NAALADL2: variants seen among roughly 807,000 people sequenced by gnomAD.
NAALADL2 encodes inactive N-acetylated-alpha-linked acidic dipeptidase-like protein 2.
In NAALADL2, 76 loss-of-function variants were observed where a neutral mutation model predicts 87.2. The observed-to-expected ratio is 0.87, with a 90% CI of 0.72 to 1.05. The LOEUF (loss-of-function observed/expected upper bound fraction) is 1.05. Among genes scored for constraint, NAALADL2 ranks in the 50% least tolerant of loss-of-function variants. The pLI is 0.00. For missense variants in NAALADL2, 1,089 were observed against 945.8 expected (o/e 1.15, Z -1.99); for synonymous variants, 354 against 331.0 (o/e 1.07, Z -0.75).
intron 1 of NAALADL2, among the ~76,000 whole-genome samples, chr3:174,887,626 C>T (rs1730332381): frequency 6.6e-6 from 1 of 152,104 alleles, no homozygotes; most frequent in South Asian, 2.1e-4. Flanking sequence ...AAGATCTCAT[C>T]TCTACAAAAA....
At chr3:174,522,797 G>A (rs1720394328) in intron 1 of NAALADL2, among the ~76,000 whole-genome samples, 1 of 151,680 alleles carries the variant, frequency 6.6e-6, no homozygotes, top group Non-Finnish European at 1.5e-5. Flanking sequence ...AGCCGGGTGC[G>A]GTGGCGGGCG....
intron 5 of NAALADL2, among the ~76,000 whole-genome samples, chr3:175,394,507 C>T (rs923668829): frequency 7.2e-5 from 11 of 152,132 alleles, no homozygotes; most frequent in African/African-American, 2.7e-4. Context: ...TTAAAAAACA[C>T]TACCGATATT....
chr3:175,071,402 TATTAA>T, intron 1 of NAALADL2, among the ~76,000 whole-genome samples: 1 of 152,224 alleles, frequency 6.6e-6, no homozygotes. Flanking sequence ...CATTTGCTTC[TATTAA>T]ATTATAAGTT....
At position 175,561,760 on chromosome 3, in the gene NAALADL2, A is replaced by C. The variant is rs535123017; in HGVS notation, c.1654-14281A>C. 1.3e-5 allele frequency among the ~76,000 whole-genome samples: 2 copies of C among 152,324 alleles called. 1 individual carries two copies. Among genetic ancestry groups the C allele is most frequent in the East Asian group, 3.9e-4 (2 of 5,190 alleles). On this transcript the variant is annotated intron_variant, in intron 9 of 13. Coordinates refer to ENST00000454872, the MANE Select transcript of NAALADL2 (RefSeq NM_207015.3). Reference sequence around the variant, plus strand: ...TCCTCCCCTCATAGACCTTATCTAAATACAGTCATTTTGGGAATTAAGGCT... The same window carrying C: ...TCCTCCCCTCATAGACCTTATCTAACTACAGTCATTTTGGGAATTAAGGCT...
chr3:175,751,524 A>G lies in NAALADL2; in HGVS notation c.1991-3696A>G, dbSNP rs532849422. Among the ~76,000 whole-genome samples the G allele has an allele frequency of 2.6e-5, 4 of 152,220 alleles. No homozygotes were observed. The South Asian group carries it at 8.3e-4, about 32-fold the overall frequency. On this transcript the variant is annotated intron_variant, in intron 12 of 13. Transcript: ENST00000454872. ...TACAAACTTGCGTAAATAGTGATTT[A>G]TGCACTTAGAAACTTACATGATTAT...
chr3:175,449,999 T>C (rs889336834), intron 6 of NAALADL2, among the ~76,000 whole-genome samples: 1 of 152,198 alleles, frequency 6.6e-6, no homozygotes, highest in African/African-American at 2.4e-5. Flanking sequence ...ATACAGAATA[T>C]ACATTTAAAT....
intron 2 of NAALADL2, among the ~76,000 whole-genome samples, chr3:175,169,943 T>A (rs1405328164): frequency 2.0e-5 from 3 of 151,396 alleles, no homozygotes; most frequent in South Asian, 2.1e-4. Context: ...TTGATATGAG[T>A]GAGTTCTACA....
intron 9 of NAALADL2, among the ~76,000 whole-genome samples, chr3:175,487,815 G>T (rs16825813): frequency 6.6e-6 from 1 of 152,156 alleles, no homozygotes; most frequent in Non-Finnish European, 1.5e-5. Context: ...GTCTAATCCA[G>T]ATATGGTAAG....
At chr3:174,497,421 G>T (rs1022965742) in intron 1 of NAALADL2, among the ~76,000 whole-genome samples, 1 of 151,906 alleles carries the variant, frequency 6.6e-6, no homozygotes, top group Non-Finnish European at 1.5e-5. Context: ...TTGAACCCAG[G>T]AGTTTAAAAC....
At chr3:175,780,230 C>T (rs1243018863) in intron 13 of NAALADL2, among the ~76,000 whole-genome samples, 2 of 151,266 alleles carry the variant, frequency 1.3e-5, no homozygotes, top group Non-Finnish European at 2.9e-5. Flanking sequence ...GAGCCGAGAT[C>T]GCGCCACTGC....
chr3:174,833,067 A>G (rs971985180), intron 3 of NAALADL2, among the ~76,000 whole-genome samples: 3 of 152,172 alleles, frequency 2.0e-5, no homozygotes, highest in Admixed American at 1.3e-4. Flanking sequence ...ATTCTCAGAA[A>G]TAGTATTAAC....
At chr3:175,551,059 G>A (rs1714263466) in intron 9 of NAALADL2, among the ~76,000 whole-genome samples, 2 of 151,782 alleles carry the variant, frequency 1.3e-5, no homozygotes, top group Non-Finnish European at 2.9e-5. Flanking sequence ...TGTATAGTGT[G>A]AGAGAGACGA....
intron 10 of NAALADL2, among the ~76,000 whole-genome samples, chr3:175,624,399 C>T (rs1183931286): frequency 6.6e-6 from 1 of 152,000 alleles, no homozygotes; most frequent in African/African-American, 2.4e-5. Context: ...TATTTTACTG[C>T]ATGGAATATT....
chr3:175,075,993 C>T (rs377510189), intron 1 of NAALADL2, among the ~76,000 whole-genome samples: 25 of 151,980 alleles, frequency 1.6e-4, no homozygotes, highest in East Asian at 3.9e-4. Flanking sequence ...TTTAGGAGGC[C>T]GAGGTAGGGG....
chr3:175,374,578 A>G (rs1230323201), intron 5 of NAALADL2, among the ~76,000 whole-genome samples: 4 of 140,018 alleles, frequency 2.9e-5, no homozygotes, highest in African/African-American at 1.2e-4. Context: ...AAAAAAAAAA[A>G]AAAAAAAGAA....
At chr3:175,011,042 A>C (rs1749713825) in intron 1 of NAALADL2, among the ~76,000 whole-genome samples, 1 of 152,124 alleles carries the variant, frequency 6.6e-6, no homozygotes, top group African/African-American at 2.4e-5. Context: ...TTCTACCAAA[A>C]TGTCTTGGCT....
intron 9 of NAALADL2, among the ~76,000 whole-genome samples, chr3:175,545,462 G>T (rs1049975205): frequency 1.3e-5 from 2 of 151,854 alleles, no homozygotes; most frequent in African/African-American, 4.8e-5. Flanking sequence ...TTTGGCTTTT[G>T]TATTGTATTT....
intron 2 of NAALADL2, among the ~76,000 whole-genome samples, chr3:175,218,569 C>T (rs974012987): frequency 6.6e-6 from 1 of 152,066 alleles, no homozygotes; most frequent in African/African-American, 2.4e-5. Flanking sequence ...CCCACTTGTG[C>T]ACCCTCTCAA....
At chr3:174,721,435 G>A (rs962058528) in intron 2 of NAALADL2, among the ~76,000 whole-genome samples, 3 of 152,128 alleles carry the variant, frequency 2.0e-5, no homozygotes, top group Non-Finnish European at 4.4e-5. Context: ...TATTGCCAGT[G>A]AGGTGAAGAC....
Sources: allele counts gnomAD v4.1 joint callset (sites outside exome capture counted in the v4.1 genomes callset), GRCh38; gene constraint gnomAD v4.1.1; transcripts MANE v1.5; gene names NCBI Gene and HGNC (gene_info 2026-07-23, HGNC 2026-07-21).